The following KDM5A variants were observed in gnomAD, a reference collection of about 807,000 sequenced individuals.
The protein encoded by KDM5A is lysine-specific demethylase 5A.
Under a neutral mutation model 193.5 loss-of-function variants are expected in KDM5A, and 42 were observed. The ratio of observed to expected loss-of-function variants is 0.22; its 90% CI spans 0.17 to 0.28. The LOEUF is 0.28. Among genes scored for constraint, KDM5A ranks in the 10% least tolerant of loss-of-function variants. The pLI, the probability that KDM5A is intolerant of heterozygous loss-of-function variation, is 1.00. For missense variants in KDM5A, 1,692 were observed against 2,055.1 expected (o/e 0.82, Z 3.42); for synonymous variants, 796 against 718.1 (o/e 1.11, Z -1.73).
At chr12:330,085 G>GTGTATATATA (rs377271333) in intron 13 of KDM5A, among the ~76,000 whole-genome samples, 3 of 139,322 alleles carry the variant, frequency 2.2e-5, no homozygotes, top group African/African-American at 8.1e-5. Flanking sequence ...GTGTGTGTGT[G>GTGTATATATA]TATATATATA....
At chr12:366,738 C>T (rs1281063561) in intron 3 of KDM5A, among the ~76,000 whole-genome samples, 1 of 152,202 alleles carries the variant, frequency 6.6e-6, no homozygotes, top group Non-Finnish European at 1.5e-5. Flanking sequence ...GCTGAATGGT[C>T]ACATCAAGCC....
chr12:373,194 A>G (rs1251592281), intron 3 of KDM5A, among the ~76,000 whole-genome samples: 1 of 152,202 alleles, frequency 6.6e-6, no homozygotes, highest in East Asian at 1.9e-4. Flanking sequence ...TACATCTGGT[A>G]GAATTTGGCT....
Position 333,716 on chromosome 12 carries a change from C to T in KDM5A, c.1491-67G>A, listed in dbSNP as rs187267701. On this transcript the variant is annotated intron_variant, in intron 11 of 27. Transcript: ENST00000399788. Reference sequence around the variant, plus strand: ...CCAATGAGGCTAGGGTATCTGATTCCAATCCACCAAATTATAATTAACTTG... The same window carrying T: ...CCAATGAGGCTAGGGTATCTGATTCTAATCCACCAAATTATAATTAACTTG... 5.1e-5 allele frequency: 70 copies of T among 1,380,234 alleles called. No individual in the cohort carries two copies. The African/African-American group carries it at 6.7e-4, about 13-fold the overall frequency. The allele number at this position is 1,380,234 out of a possible 1,614,324, so 85.5% of individuals were successfully genotyped here. A position where few individuals can be genotyped will look rare whatever the true frequency, so the allele number is the denominator to read the frequency against.
chr12:314,875 G>A (rs765720140), intron 19 of KDM5A, among the ~76,000 whole-genome samples: 10 of 152,158 alleles, frequency 6.6e-5, no homozygotes, highest in Non-Finnish European at 1.2e-4. Context: ...AGGAAGAATA[G>A]CAAGAGATAA....
intron 3 of KDM5A, 90 bp downstream of exon 3, chr12:383,941 C>G: frequency 1.5e-6 from 2 of 1,355,232 alleles, no homozygotes; most frequent in Admixed American, 1.7e-5. Context: ...AACAAATCCT[C>G]TATTGGAAGC....
At chr12:348,369 T>C (rs1168779627) in intron 10 of KDM5A, among the ~76,000 whole-genome samples, 1 of 152,208 alleles carries the variant, frequency 6.6e-6, no homozygotes, top group South Asian at 2.1e-4. Context: ...CTTAAGGATC[T>C]AGAAGTAGAA....
At chr12:304,659 G>C (rs79113388) in intron 24 of KDM5A, among the ~76,000 whole-genome samples, 7 of 152,114 alleles carry the variant, frequency 4.6e-5, no homozygotes, top group African/African-American at 1.7e-4. Flanking sequence ...CACTACCAAA[G>C]AGACAGTAAG....
rs61577928 is a variant in KDM5A at position 357,827 on chromosome 12, C to CAAAA, written c.673-1294_673-1291dup. On this transcript the variant is annotated intron_variant, in intron 5 of 27. Coordinates refer to ENST00000399788, the MANE Select transcript of KDM5A (RefSeq NM_001042603.3). Reference sequence around the variant, plus strand: ...TGGGCGACAGAGCAAGACTCAGTCTCAAAAAAAAAAAAAAAAAAAAAAAAA... The same window carrying CAAAA: ...TGGGCGACAGAGCAAGACTCAGTCTCAAAAAAAAAAAAAAAAAAAAAAAAAAAAA... Among the ~76,000 whole-genome samples, 64 of 29,864 alleles carry CAAAA rather than the reference C, an allele frequency of 2.1e-3. 10 individuals carry two copies. Among genetic ancestry groups the CAAAA allele is most frequent in the African/African-American group, 0.012 (58 of 4,976 alleles). The allele number at this position is 29,864 out of a possible 152,430, so 19.6% of individuals were successfully genotyped here.
chr12:351,976 C>T (rs567319824), intron 9 of KDM5A, among the ~76,000 whole-genome samples: 10 of 151,690 alleles, frequency 6.6e-5, no homozygotes, highest in African/African-American at 2.2e-4. Context: ...TGGTGGCAGG[C>T]GCCTGCAGTC....
chr12:386,894 A>G (rs987601581), intron 1 of KDM5A, among the ~76,000 whole-genome samples: 3 of 152,090 alleles, frequency 2.0e-5, no homozygotes, highest in Non-Finnish European at 4.4e-5. Flanking sequence ...GTAAACATTC[A>G]GGTTTACCAA....
chr12:374,444 CT>C (rs1944473513), intron 3 of KDM5A, among the ~76,000 whole-genome samples: 2 of 152,150 alleles, frequency 1.3e-5, no homozygotes, highest in African/African-American at 4.8e-5. Flanking sequence ...TCCTCCATCC[CT>C]TTATTTTGAG....
At position 293,196 on chromosome 12, in the gene KDM5A, T is replaced by G. The variant is rs1033172390; in HGVS notation, c.4456-27A>C. The G allele has an allele frequency of 5.7e-6, 9 of 1,585,650 alleles. No homozygotes were observed. The African/African-American group carries it at 1.2e-4, about 21-fold the overall frequency. ...TTCAAAAATATAAATTTAGGAACAA[T>G]TTTAAAGCAAGACAGTTAAAAAACA... On this transcript the variant is annotated intron_variant, in intron 26 of 27. Transcript: ENST00000399788.
At chr12:331,359 A>C (rs1444138793) in intron 13 of KDM5A, among the ~76,000 whole-genome samples, 1 of 152,234 alleles carries the variant, frequency 6.6e-6, no homozygotes, top group African/African-American at 2.4e-5. Flanking sequence ...GGCAAAAGCC[A>C]CTATTACTTT....
chr12:311,708 C>A (rs1220738426), intron 20 of KDM5A, among the ~76,000 whole-genome samples: 1 of 151,774 alleles, frequency 6.6e-6, no homozygotes, highest in Admixed American at 6.6e-5. Flanking sequence ...TAAGCAGGTC[C>A]CAGAAAAACT....
rs1038892746 is a variant in KDM5A, at chr12:376,219, G to A, written c.366+7812C>T. Among the ~76,000 whole-genome samples the A allele has an allele frequency of 2.0e-5, 3 of 152,192 alleles. No individual in the cohort carries two copies. In the East Asian group the frequency reaches 5.8e-4, roughly 29 times the overall value. On this transcript the variant is annotated intron_variant, in intron 3 of 27. Coordinates refer to ENST00000399788, the MANE Select transcript of KDM5A (RefSeq NM_001042603.3). ...AAGGCAGGCCTCCTTGAGCTGCGGT[G>A]GGCTCCACCCAGTTCGAGCTTCTGG...
chr12:302,541 A>G (rs531816842), intron 24 of KDM5A, among the ~76,000 whole-genome samples: 5 of 152,352 alleles, frequency 3.3e-5, no homozygotes, highest in African/African-American at 9.6e-5. Context: ...TAAAGACTTA[A>G]AGGTAAGACC....
chr12:357,883 T>C (rs1470031933), intron 5 of KDM5A, among the ~76,000 whole-genome samples: 1 of 139,050 alleles, frequency 7.2e-6, no homozygotes, highest in Non-Finnish European at 1.5e-5. Flanking sequence ...CCTTCCTTCC[T>C]GCTAAAGGAC....
chr12:307,678 A>G lies in KDM5A; in HGVS notation c.3706T>C (p.Leu1236=). The G allele has an allele frequency of 6.2e-7, 1 of 1,614,196 alleles. No homozygotes were observed. The change falls in exon 23 of 28, where the codon TTG becomes CTG. Residue 1236 remains leucine (L), a synonymous_variant. Coordinates refer to ENST00000399788, the MANE Select transcript of KDM5A (RefSeq NM_001042603.3). The surrounding 1 kb of genome is among the most constrained non-coding windows in gnomAD (Gnocchi z 4.3). Reference sequence around the variant, plus strand: ...TCTCCTTCAGGCAACCGTACGGGCAACTTCTGAAGGGATACCAGGAGTGAC... The same window carrying G: ...TCTCCTTCAGGCAACCGTACGGGCAGCTTCTGAAGGGATACCAGGAGTGAC... The part of the protein sequence containing the change: ...ILSLLVSLQK[L]PVRLPEGEAL...
At chr12:372,618 C>G (rs550197888) in intron 3 of KDM5A, among the ~76,000 whole-genome samples, 2 of 152,286 alleles carry the variant, frequency 1.3e-5, no homozygotes, top group East Asian at 3.9e-4. Context: ...GCCAGAACTT[C>G]CAACACTATG....
Sources: allele counts gnomAD v4.1 joint callset (sites outside exome capture counted in the v4.1 genomes callset), GRCh38; gene constraint gnomAD v4.1.1; non-coding constraint Gnocchi (gnomAD v3.1); transcripts MANE v1.5; gene names NCBI Gene and HGNC (gene_info 2026-07-23, HGNC 2026-07-21).